Variants in DDX19B observed in about 807,000 individuals in gnomAD.
DDX19B encodes DEAD-box helicase 19B.
Under a neutral mutation model 58.1 loss-of-function variants are expected in DDX19B, and 27 were observed. The observed-to-expected ratio is 0.46, with a 90% confidence interval of 0.34 to 0.64. The LOEUF is 0.64. Among genes scored for constraint, DDX19B ranks in the 30% least tolerant of loss-of-function variants. DDX19B has a pLI of 0.01. For missense variants in DDX19B, 399 were observed against 596.5 expected (o/e 0.67, Z 3.45); for synonymous variants, 187 against 214.4 (o/e 0.87, Z 1.12).
In DDX19B at chr16:70,333,593, C is replaced by G; in HGVS notation, c.*11C>G. On this transcript the variant is annotated 3_prime_UTR_variant, in exon 12 of 12. Transcript: ENST00000288071. ...AAAATAGCCAACTGAGAAGCTCCACCAGCCACTGATGCCAGCCCTGGCACT... is the reference window on the plus strand; with the variant it reads ...AAAATAGCCAACTGAGAAGCTCCACGAGCCACTGATGCCAGCCCTGGCACT... The G allele has an allele frequency of 4.3e-6, 7 of 1,613,992 alleles. No individual in the cohort carries two copies. Among genetic ancestry groups the G allele is most frequent in the Non-Finnish European group, 5.9e-6 (7 of 1,179,868 alleles).
Sources: gnomAD v4.1 joint callset for allele counts on GRCh38, gnomAD v4.1.1 for gene constraint, MANE v1.5 for transcripts, NCBI Gene and HGNC (gene_info 2026-07-23, HGNC 2026-07-21) for gene names.